WDFY3: variants seen among roughly 807,000 people sequenced by gnomAD.
The protein encoded by WDFY3 is WD repeat and FYVE domain-containing protein 3.
Under a neutral mutation model 409.6 loss-of-function variants are expected in WDFY3, and 66 were observed. That is an observed-to-expected ratio of 0.16 (90% CI 0.13 to 0.20). The LOEUF is 0.20. Among genes scored for constraint, WDFY3 ranks in the 10% least tolerant of loss-of-function variants. WDFY3 has a pLI of 1.00. For synonymous variants in WDFY3, 1,521 were observed against 1,537.1 expected (o/e 0.99, Z 0.25); for missense variants, 3,031 against 4,298.1 (o/e 0.71, Z 8.24).
intron 21 of WDFY3, among the ~76,000 whole-genome samples, chr4:84,790,821 A>G (rs1199435371): frequency 1.3e-5 from 2 of 152,234 alleles, no homozygotes; most frequent in African/African-American, 4.8e-5. Context: ...TTCTCCAAAG[A>G]AGGCACATAA....
At chr4:84,877,419 C>T (rs1381247859) in intron 3 of WDFY3, among the ~76,000 whole-genome samples, 1 of 152,070 alleles carries the variant, frequency 6.6e-6, no homozygotes, top group Non-Finnish European at 1.5e-5. Flanking sequence ...TTGCAGCCTC[C>T]ATCTCCTGGG....
chr4:84,894,164 A>C (rs887486372), intron 3 of WDFY3, among the ~76,000 whole-genome samples: 8 of 152,220 alleles, frequency 5.3e-5, no homozygotes, highest in African/African-American at 1.9e-4. Flanking sequence ...ACGGATATGC[A>C]ATGAAGAGAG....
At chr4:84,801,995 T>C in intron 16 of WDFY3, 131 bp from the exon 17 acceptor site, 2 of 830,564 alleles carry the variant, frequency 2.4e-6, no homozygotes, top group Non-Finnish European at 3.7e-6. Flanking sequence ...TTGTCCAGGC[T>C]GGAGTGCAAT....
intron 56 of WDFY3, 150 bp from the exon 57 acceptor site, chr4:84,696,973 T>TGA: frequency 1.6e-6 from 1 of 638,264 alleles, no homozygotes; most frequent in Non-Finnish European, 2.7e-6. Flanking sequence ...TTATCAACTC[T>TGA]AGCATCCCTC....
intron 21 of WDFY3, among the ~76,000 whole-genome samples, chr4:84,793,811 A>C (rs1214278245): frequency 1.3e-5 from 2 of 152,246 alleles, no homozygotes; most frequent in South Asian, 4.1e-4. Context: ...ACTAACATTC[A>C]TATTATATTA....
intron 59 of WDFY3, among the ~76,000 whole-genome samples, chr4:84,692,570 CAA>C (rs1241068184): frequency 1.3e-5 from 2 of 151,834 alleles, no homozygotes; most frequent in Admixed American, 1.3e-4. Context: ...ATTATGAAGA[CAA>C]ATTTTTTTTA....
chr4:84,877,015 C>T (rs770648481), intron 3 of WDFY3, among the ~76,000 whole-genome samples: 7 of 152,194 alleles, frequency 4.6e-5, no homozygotes, highest in Non-Finnish European at 8.8e-5. Flanking sequence ...AAGAAGGCTA[C>T]GCTCTCCAAA....
intron 3 of WDFY3, among the ~76,000 whole-genome samples, chr4:84,863,293 T>A (rs1760916615): frequency 6.6e-6 from 1 of 152,190 alleles, no homozygotes; most frequent in African/African-American, 2.4e-5. Context: ...TCTTGAAGAA[T>A]CTCTAAACTG....
Position 84,683,994 on chromosome 4 carries a change from T to C in WDFY3, c.9675A>G (p.Glu3225=), listed in dbSNP as rs1288555298. 1.2e-6 allele frequency: 2 copies of C among 1,613,350 alleles called. No homozygotes were observed. The highest frequency in any genetic ancestry group is 1.7e-5 in the Admixed American group (1 of 60,016). The change falls in exon 63 of 68, where the codon GAA becomes GAG. Residue 3225 remains glutamate (E), a synonymous_variant. Coordinates refer to ENST00000295888, the MANE Select transcript of WDFY3 (RefSeq NM_014991.6). The stretch of plus-strand genomic sequence containing the variant: ...TCACTATGACGTTCTGCGTGTCCCA[T>C]TCGTTCATCTCCGACATGCAGCAGC... ...IICCCMSEMN[E]WDTQNVIVTG...
chr4:84,914,454 T>C (rs543140951), intron 2 of WDFY3, among the ~76,000 whole-genome samples: 22 of 151,850 alleles, frequency 1.4e-4, no homozygotes, highest in Non-Finnish European at 2.2e-4. Flanking sequence ...CAAAAAAAAA[T>C]AGGTTATTAG....
intron 55 of WDFY3, among the ~76,000 whole-genome samples, chr4:84,704,078 T>C (rs953051941): frequency 6.6e-6 from 1 of 152,354 alleles, no homozygotes; most frequent in East Asian, 1.9e-4. Flanking sequence ...AATTGTTTAA[T>C]TCAACCAGTT....
intron 29 of WDFY3, among the ~76,000 whole-genome samples, chr4:84,774,486 T>C (rs1283453430): frequency 6.6e-6 from 1 of 152,230 alleles, no homozygotes; most frequent in East Asian, 1.9e-4. Flanking sequence ...CTTGTGCACA[T>C]ACATTTAAAA....
intron 1 of WDFY3, among the ~76,000 whole-genome samples, chr4:84,943,429 G>C (rs1015989731): frequency 6.6e-6 from 1 of 151,310 alleles, no homozygotes; most frequent in Admixed American, 6.6e-5. Context: ...GCGTGAACCA[G>C]GGAGGCGGAG....
chr4:84,709,024 C>T lies in WDFY3; in HGVS notation c.8102G>A (p.Gly2701Asp). ...EKSVTQRWER[G>D]EISNFQYLMH... is the part of the protein sequence containing the mutation. ...CAAATATTGGAAGTTGCTGATTTCA[C>T]CTCTCTGGAAAAAGATAAATATTCA... The change falls in exon 53 of 68, where the codon GGT becomes GAT. Residue 2701 changes from glycine to aspartate, a missense_variant. Coordinates refer to ENST00000295888, the MANE Select transcript of WDFY3 (RefSeq NM_014991.6). 2 of 1,613,558 alleles carry T rather than the reference C, an allele frequency of 1.2e-6. No individual in the cohort carries two copies. The highest frequency in any genetic ancestry group is 1.7e-6 in the Non-Finnish European group (2 of 1,179,846).
chr4:84,867,068 AT>A (rs1302661328), intron 3 of WDFY3, among the ~76,000 whole-genome samples: 1 of 152,222 alleles, frequency 6.6e-6, no homozygotes, highest in Non-Finnish European at 1.5e-5. Flanking sequence ...AGTTTCTTTC[AT>A]TTATAAAATC....
rs1747726844 is a variant in WDFY3, at chr4:84,787,285, G to A, written c.3901+197C>T. On this transcript the variant is annotated intron_variant, in intron 23 of 67. Transcript: ENST00000295888. ...TGGATAATAAGCGATCAGACATAAA[G>A]ACAAAGAATCCAGAAAGTGCAGTAT... is the stretch of plus-strand genomic sequence containing the variant. Among the ~76,000 whole-genome samples the A allele has an allele frequency of 2.6e-5, 4 of 152,118 alleles. No homozygotes were observed. The South Asian group carries it at 8.3e-4, about 32-fold the overall frequency.
At chr4:84,898,540 C>G (rs1461832099) in intron 2 of WDFY3, among the ~76,000 whole-genome samples, 2 of 152,180 alleles carry the variant, frequency 1.3e-5, no homozygotes, top group Non-Finnish European at 2.9e-5. Context: ...GACTGGACTA[C>G]TATTAGCACA....
At chr4:84,805,426 G>C (rs76182833) in intron 15 of WDFY3, among the ~76,000 whole-genome samples, 1 of 151,880 alleles carries the variant, frequency 6.6e-6, no homozygotes, top group Non-Finnish European at 1.5e-5. Flanking sequence ...TCTAAAACAC[G>C]GTATTTATTA....
chr4:84,808,394 C>G lies in WDFY3; in HGVS notation c.2369G>C (p.Cys790Ser). ...GGGGAGAGAAGACTCACTTGTCAGG[C>G]AAGGAGGGATCTGTTCTGCACGACT... ...FDSRAEQIPP[C>S]LTSESSLPSP... The change falls in exon 15 of 68, where the codon TGC (cysteine) becomes TCC (serine). Residue 790 changes from cysteine to serine, a missense_variant. Cys to Ser is a moderately radical substitution (Grantham distance 112). This residue lies in a region of WDFY3 where 1,322 missense variants were observed against 1,697.9 expected (regional missense o/e 0.78). Transcript: ENST00000295888. 6.2e-7 allele frequency: 1 copy of G among 1,613,858 alleles called. No homozygotes were observed. The highest frequency in any genetic ancestry group is 1.7e-5 in the Admixed American group (1 of 60,004).
Sources: gnomAD v4.1 joint callset for allele counts (sites outside exome capture counted in the v4.1 genomes callset) on GRCh38, gnomAD v4.1.1 for gene constraint, gnomAD v4.1.1 regional missense constraint, MANE v1.5 for transcripts, NCBI Gene and HGNC (gene_info 2026-07-23, HGNC 2026-07-21) for gene names.